The following TRHDE variants were observed in gnomAD, a reference collection of about 807,000 sequenced individuals.
TRHDE encodes the protein thyrotropin releasing hormone degrading enzyme, also known as thyrotropin-releasing hormone-degrading ectoenzyme.
Under a neutral mutation model 125.7 loss-of-function variants are expected in TRHDE, and 72 were observed. That is an observed-to-expected ratio of 0.57 (90% confidence interval 0.47 to 0.70). The LOEUF (loss-of-function observed/expected upper bound fraction) is 0.70. Ranked by LOEUF, TRHDE falls within the 30% of genes least tolerant of loss-of-function variation. The pLI is 0.00. For missense variants in TRHDE, 1,110 were observed against 1,327.1 expected (o/e 0.84, Z 2.54); for synonymous variants, 509 against 509.1 (o/e 1.00, Z 0.00).
At chr12:72,131,208 A>T (rs560110097) in intron 2 of TRHDE, among the ~76,000 whole-genome samples, 1 of 150,836 alleles carries the variant, frequency 6.6e-6, no homozygotes, top group South Asian at 2.1e-4. Context: ...AGTAGCTGGG[A>T]CTACAGGCGC....
chr12:72,509,392 C>T (rs1878492067), intron 6 of TRHDE, among the ~76,000 whole-genome samples: 1 of 151,892 alleles, frequency 6.6e-6, no homozygotes, highest in Admixed American at 6.6e-5. Flanking sequence ...TATTTTATTT[C>T]TTATCTATCT....
intron 15 of TRHDE, among the ~76,000 whole-genome samples, chr12:72,623,195 C>T (rs1483612711): frequency 2.0e-5 from 3 of 151,920 alleles, no homozygotes; most frequent in Non-Finnish European, 2.9e-5. Flanking sequence ...ATCATATATA[C>T]ATATAAAAAA....
At chr12:72,528,840 G>A in intron 6 of TRHDE, among the ~76,000 whole-genome samples, 1 of 151,798 alleles carries the variant, frequency 6.6e-6, no homozygotes, top group Non-Finnish European at 1.5e-5. Flanking sequence ...ATTAGTTTGG[G>A]GCATTTTAGT....
rs915433924 is a variant in TRHDE at position 72,184,957 on chromosome 12, GC to G, written n.279+79212del. Among the ~76,000 whole-genome samples the G allele has an allele frequency of 6.9e-4, 105 of 152,202 alleles. 1 individual carries two copies. In the East Asian group the frequency reaches 0.016, roughly 24 times the overall value. ...TTGGCGGCATCTGAAGAGCCCTTCA[GC>G]CCCCCCACTGCACTGTGGGAGCCCC... On this transcript the variant is annotated intron_variant and non_coding_transcript_variant, in intron 2 of 4. Transcript: ENST00000548156.
At chr12:72,325,212 T>C (rs546665496) in intron 2 of TRHDE, among the ~76,000 whole-genome samples, 70 of 152,164 alleles carry the variant, frequency 4.6e-4, no homozygotes, top group Non-Finnish European at 4.9e-4. Context: ...CATAACATTG[T>C]TATTTTTTGA....
At chr12:72,419,626 T>A (rs959610891) in intron 3 of TRHDE, among the ~76,000 whole-genome samples, 3 of 152,188 alleles carry the variant, frequency 2.0e-5, no homozygotes, top group African/African-American at 4.8e-5. Context: ...TAACCATTTA[T>A]GAGAAATCTG....
chr12:72,558,611 G>A (rs1454458833), intron 7 of TRHDE, among the ~76,000 whole-genome samples: 1 of 152,194 alleles, frequency 6.6e-6, no homozygotes, highest in Non-Finnish European at 1.5e-5. Flanking sequence ...GGAGAGACTA[G>A]ATGTGAAAGG....
chr12:72,601,262 C>T (rs137964735), intron 12 of TRHDE, among the ~76,000 whole-genome samples: 1 of 152,154 alleles, frequency 6.6e-6, no homozygotes, highest in African/African-American at 2.4e-5. Context: ...GAAATAGAAT[C>T]AGAAGCATAG....
chr12:72,126,690 T>G (rs1408527013), intron 2 of TRHDE, among the ~76,000 whole-genome samples: 1 of 152,082 alleles, frequency 6.6e-6, no homozygotes, highest in African/African-American at 2.4e-5. Flanking sequence ...TTTCACCATA[T>G]ACAAAAGTTA....
chr12:72,139,283 T>C (rs1307772631), intron 2 of TRHDE, among the ~76,000 whole-genome samples: 1 of 152,186 alleles, frequency 6.6e-6, no homozygotes, highest in African/African-American at 2.4e-5. Context: ...TTTAATGTGG[T>C]AAAATGGCTT....
At chr12:72,648,933 T>C (rs1443097962) in intron 15 of TRHDE, among the ~76,000 whole-genome samples, 1 of 152,110 alleles carries the variant, frequency 6.6e-6, no homozygotes, top group Non-Finnish European at 1.5e-5. Flanking sequence ...CTGATGTTCA[T>C]GGATTGGAAG....
At chr12:72,597,679 A>C (rs1214849946) in intron 12 of TRHDE, among the ~76,000 whole-genome samples, 1 of 140,100 alleles carries the variant, frequency 7.1e-6, no homozygotes, top group Non-Finnish European at 1.5e-5. Context: ...AAAAAAAAAA[A>C]AACTAAGAGA....
At chr12:72,452,644 A>G (rs537592944) in intron 3 of TRHDE, among the ~76,000 whole-genome samples, 3 of 152,234 alleles carry the variant, frequency 2.0e-5, no homozygotes, top group African/African-American at 7.2e-5. Flanking sequence ...TCTAATTCCC[A>G]CTGTTGAAGA....
At chr12:72,437,664 T>C (rs1874805222) in intron 3 of TRHDE, among the ~76,000 whole-genome samples, 1 of 151,840 alleles carries the variant, frequency 6.6e-6, no homozygotes, top group African/African-American at 2.4e-5. Flanking sequence ...TTTTTAAAAA[T>C]TGACATGCAA....
In TRHDE at chr12:72,273,477, G is replaced by T; in HGVS notation, c.834G>T (p.Leu278=). Residue 278 remains leucine, a synonymous_variant, in exon 1 of 19, where the codon CTG becomes CTT. Transcript: ENST00000261180. The surrounding 1 kb of genome is among the most constrained non-coding windows in gnomAD (Gnocchi z 5.3). ...TGGACGCGCAGAGGAATTACAATCTGAAGATTATCTACAACGCGCTCATCG... is the reference window on the plus strand; with the variant it reads ...TGGACGCGCAGAGGAATTACAATCTTAAGATTATCTACAACGCGCTCATCG... ...RTLDAQRNYN[L]KIIYNALIEN... is the part of the protein sequence containing the mutation. The T allele has an allele frequency of 6.2e-7, 1 of 1,613,648 alleles. No individual in the cohort carries two copies. The highest frequency in any genetic ancestry group is 8.5e-7 in the Non-Finnish European group (1 of 1,180,032).
chr12:72,501,207 T>G lies in TRHDE; in HGVS notation c.1722+1572T>G, dbSNP rs544011454. Among the ~76,000 whole-genome samples the G allele has an allele frequency of 1.3e-3, 192 of 152,268 alleles. 1 individual carries two copies. The highest frequency in any genetic ancestry group is 8.2e-4 in the Non-Finnish European group (56 of 68,008). On this transcript the variant is annotated intron_variant, in intron 6 of 18. Coordinates refer to ENST00000261180, the MANE Select transcript of TRHDE (RefSeq NM_013381.3). ...CTTGCTGTACATAGAATGCAATTCA[T>G]TTTTGCATATTTTTCTGGTACAATG...
chr12:72,509,792 G>T (rs1328660938), intron 6 of TRHDE, among the ~76,000 whole-genome samples: 2 of 152,092 alleles, frequency 1.3e-5, no homozygotes, highest in East Asian at 1.9e-4. Flanking sequence ...CTATTATACT[G>T]CCTGTGTGCA....
chr12:72,495,860 C>G (rs1186266414), intron 5 of TRHDE, among the ~76,000 whole-genome samples: 2 of 152,050 alleles, frequency 1.3e-5, no homozygotes, highest in African/African-American at 4.8e-5. Flanking sequence ...TTGTACTAGT[C>G]TCCAAAAATT....
chr12:72,566,318 A>T lies in TRHDE; in HGVS notation c.2043-2250A>T, dbSNP rs529401196. Among the ~76,000 whole-genome samples the T allele has an allele frequency of 2.0e-4, 30 of 149,834 alleles. No individual in the cohort carries two copies. The East Asian group carries it at 3.9e-3, about 19-fold the overall frequency. On this transcript the variant is annotated intron_variant, in intron 9 of 18. Transcript: ENST00000261180. Reference sequence around the variant, plus strand: ...AAAAATTATTCTTAGGAAATAATAAATTTTTTTTTTAAGTTTTAAAAAATG... The same window carrying T: ...AAAAATTATTCTTAGGAAATAATAATTTTTTTTTTTAAGTTTTAAAAAATG...
Sources: gnomAD v4.1 joint callset for allele counts (sites outside exome capture counted in the v4.1 genomes callset) on GRCh38, gnomAD v4.1.1 for gene constraint, Gnocchi (gnomAD v3.1) non-coding constraint, MANE v1.5 for transcripts, NCBI Gene and HGNC (gene_info 2026-07-23, HGNC 2026-07-21) for gene names.